HEMK2: variants seen among roughly 807,000 people sequenced by gnomAD.
The protein encoded by HEMK2 is methyltransferase HEMK2.
the HEMK2 span, among the ~76,000 whole-genome samples, chr21:28,819,218 A>G: frequency 6.6e-6 from 1 of 152,044 alleles, no homozygotes; most frequent in South Asian, 2.1e-4. Context: ...ACGTAAGGAT[A>G]CATAAAGTCT....
At chr21:28,730,535 C>G in the HEMK2 span, among the ~76,000 whole-genome samples, 1 of 152,182 alleles carries the variant, frequency 6.6e-6, no homozygotes, top group African/African-American at 2.4e-5. Context: ...CAAGGCTCCA[C>G]TGGAAAAGGA....
At chr21:28,847,928 C>A in the HEMK2 span, among the ~76,000 whole-genome samples, 1 of 152,180 alleles carries the variant, frequency 6.6e-6, no homozygotes, top group Middle Eastern at 3.4e-3. Flanking sequence ...ACCAGATAGT[C>A]GTAGATGCGA....
the HEMK2 span, among the ~76,000 whole-genome samples, chr21:28,661,186 T>C: frequency 2.6e-5 from 4 of 152,144 alleles, no homozygotes; most frequent in Non-Finnish European, 4.4e-5. Context: ...TTCTTCTATC[T>C]TTGATGTCTA....
chr21:28,763,460 G>A, the HEMK2 span, among the ~76,000 whole-genome samples: 1 of 152,056 alleles, frequency 6.6e-6, no homozygotes, highest in Non-Finnish European at 1.5e-5. Flanking sequence ...TCATCACCAA[G>A]GGGATGGTGC....
the HEMK2 span, among the ~76,000 whole-genome samples, chr21:28,623,764 A>G: frequency 6.6e-6 from 1 of 152,188 alleles, no homozygotes; most frequent in South Asian, 2.1e-4. Flanking sequence ...GTTCTCACTC[A>G]TGAGTGGGAG....
chr21:28,781,917 T>C, the HEMK2 span, among the ~76,000 whole-genome samples: 13,589 of 152,270 alleles, frequency 0.089, 834 homozygotes, highest in South Asian at 0.17. Context: ...GAGGATATTC[T>C]AAGGGCTTAG....
At chr21:28,839,435 C>T in the HEMK2 span, among the ~76,000 whole-genome samples, 1 of 152,222 alleles carries the variant, frequency 6.6e-6, no homozygotes, top group African/African-American at 2.4e-5. Context: ...CAAACTGTCA[C>T]TGATTGCTAA....
At chr21:28,777,345 GA>G in the HEMK2 span, among the ~76,000 whole-genome samples, 1 of 152,188 alleles carries the variant, frequency 6.6e-6, no homozygotes, top group African/African-American at 2.4e-5. Flanking sequence ...CCAGCAAAGA[GA>G]AGGTGAATTT....
chr21:28,745,546 A>G, the HEMK2 span, among the ~76,000 whole-genome samples: 4 of 152,052 alleles, frequency 2.6e-5, no homozygotes, highest in Non-Finnish European at 4.4e-5. Context: ...AACCAAGAAA[A>G]CGCCCATCCA....
At chr21:28,819,447 G>A in the HEMK2 span, among the ~76,000 whole-genome samples, 1 of 151,486 alleles carries the variant, frequency 6.6e-6, no homozygotes, top group South Asian at 2.1e-4. Flanking sequence ...TCAAATACAT[G>A]AGAATATTTG....
chr21:28,620,660 C>CTTTTTTT, the HEMK2 span, among the ~76,000 whole-genome samples: 365 of 49,652 alleles, frequency 7.4e-3, 62 homozygotes, highest in East Asian at 0.016. Context: ...TCTCTCTTTT[C>CTTTTTTT]TTTTTTTTTT....
the HEMK2 span, among the ~76,000 whole-genome samples, chr21:28,679,771 G>T: frequency 6.6e-6 from 1 of 151,720 alleles, no homozygotes; most frequent in South Asian, 2.1e-4. Flanking sequence ...CAACTACATG[G>T]AAACTGAACA....
the HEMK2 span, among the ~76,000 whole-genome samples, chr21:28,728,338 C>T: frequency 1.3e-5 from 2 of 152,142 alleles, no homozygotes; most frequent in African/African-American, 2.4e-5. Flanking sequence ...ATGAGTGTAT[C>T]ACCAGGCTAG....
the HEMK2 span, among the ~76,000 whole-genome samples, chr21:28,595,813 T>C: frequency 0.019 from 2,699 of 145,824 alleles, 106 homozygotes; most frequent in African/African-American, 0.068. Flanking sequence ...GAGACAGAGT[T>C]TCGCTCTGTC....
chr21:28,883,147 T>G, the HEMK2 span: 2 of 937,910 alleles, frequency 2.1e-6, no homozygotes, highest in Non-Finnish European at 3.2e-6. Context: ...GCTAGTGTTA[T>G]TTCTAGCATA....
chr21:28,813,102 G>A, the HEMK2 span, among the ~76,000 whole-genome samples: 2 of 152,076 alleles, frequency 1.3e-5, no homozygotes, highest in Non-Finnish European at 2.9e-5. Flanking sequence ...TTCCAGCCAG[G>A]GCAATCAGGC....
chr21:28,659,529 T>C, the HEMK2 span, among the ~76,000 whole-genome samples: 1 of 151,992 alleles, frequency 6.6e-6, no homozygotes, highest in African/African-American at 2.4e-5. Flanking sequence ...AGAGGAAAGG[T>C]AGAAACCAAA....
At chr21:28,746,195 C>T in the HEMK2 span, among the ~76,000 whole-genome samples, 6 of 152,276 alleles carry the variant, frequency 3.9e-5, no homozygotes, top group Admixed American at 2.0e-4. Context: ...ATACATCCTA[C>T]AGTAACAACA....
the HEMK2 span, among the ~76,000 whole-genome samples, chr21:28,705,593 A>T: frequency 1.3e-5 from 2 of 152,178 alleles, no homozygotes; most frequent in African/African-American, 4.8e-5. Context: ...GTCCAACTTC[A>T]AAGACTCTGC....
Sources: gnomAD v4.1 joint callset for allele counts (sites outside exome capture counted in the v4.1 genomes callset) on GRCh38, gnomAD v4.1.1 for gene constraint, MANE v1.5 for transcripts, NCBI Gene and HGNC (gene_info 2026-07-23, HGNC 2026-07-21) for gene names.